The following AK9 variants were observed in gnomAD, a reference collection of about 807,000 sequenced individuals.
The protein encoded by AK9 is adenylate kinase 9, also known as adenylate kinase domain containing 1.
AK9 carries 191 observed loss-of-function variants against 239.6 expected under a neutral mutation model. The observed-to-expected ratio is 0.80, with a 90% CI of 0.71 to 0.90. The LOEUF is 0.90. AK9 is among the 40% of genes least tolerant of loss of function. AK9 has a pLI of 0.00. For missense variants in AK9, 1,995 were observed against 2,214.7 expected (o/e 0.90, Z 1.99); for synonymous variants, 689 against 721.0 (o/e 0.96, Z 0.71).
At chr6:109,505,724 T>C (rs1324851608) in intron 35 of AK9, among the ~76,000 whole-genome samples, 1 of 152,228 alleles carries the variant, frequency 6.6e-6, no homozygotes, top group Non-Finnish European at 1.5e-5. Flanking sequence ...ATTATTTTTA[T>C]GTCCTAAATT....
At chr6:109,634,055 T>C (rs183920284) in intron 10 of AK9, among the ~76,000 whole-genome samples, 36 of 152,242 alleles carry the variant, frequency 2.4e-4, no homozygotes, top group African/African-American at 8.2e-4. Flanking sequence ...ATGGTGAGTA[T>C]TATGGTTTGA....
At chr6:109,495,690 T>C (rs1223693091) in intron 38 of AK9, among the ~76,000 whole-genome samples, 1 of 152,162 alleles carries the variant, frequency 6.6e-6, no homozygotes, top group Non-Finnish European at 1.5e-5. Flanking sequence ...TTATTTTCCT[T>C]AAACTTCTGA....
intron 22 of AK9, 65 bp from the exon 23 acceptor site, chr6:109,564,345 C>A: frequency 7.7e-7 from 1 of 1,306,306 alleles, no homozygotes; most frequent in South Asian, 1.5e-5. Flanking sequence ...AGCCATATTG[C>A]CAAAATAGCT....
chr6:109,575,389 G>T (rs1386679201), intron 20 of AK9, among the ~76,000 whole-genome samples: 1 of 152,116 alleles, frequency 6.6e-6, no homozygotes, highest in African/African-American at 2.4e-5. Context: ...GAGTAAGGTG[G>T]TATGTCACTA....
At position 109,573,467 on chromosome 6, in the gene AK9, C is replaced by CTCAGTT; in HGVS notation, c.2318_2319insAACTGA (p.Glu773_Val774insThrGlu). The CTCAGTT allele has an allele frequency of 6.5e-7, 1 of 1,550,380 alleles. No homozygotes were observed. Among genetic ancestry groups the CTCAGTT allele is most frequent in the Non-Finnish European group, 8.7e-7 (1 of 1,146,466 alleles). ...CTGCTTCAGGCTCAGTTTCAGGGAC[C>CTCAGTT]TCAGATGCTTCAAACTCCTCAGGTA... On this transcript the variant is annotated inframe_insertion, in exon 21 of 41. Coordinates refer to ENST00000424296, the MANE Select transcript of AK9 (RefSeq NM_001145128.3).
At chr6:109,651,653 C>CA (rs897121281) in intron 8 of AK9, among the ~76,000 whole-genome samples, 13 of 152,050 alleles carry the variant, frequency 8.5e-5, no homozygotes, top group Admixed American at 7.2e-4. Flanking sequence ...AAAAGATCAA[C>CA]AAAATTGATA....
rs142152734 is a variant in AK9 at position 109,646,125 on chromosome 6, A to G, written c.760-1437T>C. 8.2e-3 allele frequency among the ~76,000 whole-genome samples: 1,244 copies of G among 152,344 alleles called. 26 individuals are homozygous for G. The highest frequency in any genetic ancestry group is 0.027 in the African/African-American group (1,104 of 41,580). ...AAAGACCAAAGGTAGATAAAATCAC[A>G]AAGATGGGGAGAAACCAGAGCAGAA... is the stretch of plus-strand genomic sequence containing the variant. On this transcript the variant is annotated intron_variant, in intron 8 of 40. Transcript: ENST00000424296.
intron 10 of AK9, 97 bp downstream of exon 10, chr6:109,641,421 C>T (rs1212793124): frequency 4.7e-6 from 4 of 853,596 alleles, no homozygotes; most frequent in Non-Finnish European, 7.3e-6. Context: ...CTCCTGGGCT[C>T]CAGTGATCCT....
At chr6:109,611,876 G>T in intron 16 of AK9, 134 bp downstream of exon 16, 1 of 628,096 alleles carries the variant, frequency 1.6e-6, no homozygotes. Flanking sequence ...CATTAAAATA[G>T]AGTACTTGGG....
chr6:109,521,534 C>T (rs1261552223), intron 29 of AK9, among the ~76,000 whole-genome samples: 1 of 152,152 alleles, frequency 6.6e-6, no homozygotes, highest in East Asian at 1.9e-4. Context: ...AATATTACTA[C>T]ATTTATGTCC....
chr6:109,621,284 A>T lies in AK9; in HGVS notation c.1255-2048T>A, dbSNP rs1474664770. On this transcript the variant is annotated intron_variant, in intron 12 of 40. Transcript: ENST00000424296. ...TGTGGAGAAATAGGAACACTTTTAC[A>T]CTGTTGGTGGGACTGTAAACTAGTT... Among the ~76,000 whole-genome samples, 5 of 69,570 alleles carry T rather than the reference A, an allele frequency of 7.2e-5. No homozygotes were observed. In the East Asian group the frequency reaches 1.7e-3, roughly 24 times the overall value. 45.6% of individuals were successfully genotyped at this position (69,570 alleles called of 152,430 possible).
At chr6:109,666,670 AT>A (rs970634383) in intron 5 of AK9, among the ~76,000 whole-genome samples, 49 of 152,182 alleles carry the variant, frequency 3.2e-4, no homozygotes, top group African/African-American at 1.1e-3. Context: ...GGAAGAAGGC[AT>A]TTTCTATTTC....
At chr6:109,688,112 A>C (rs1186027197) in intron 1 of AK9, among the ~76,000 whole-genome samples, 1 of 152,172 alleles carries the variant, frequency 6.6e-6, no homozygotes, top group Non-Finnish European at 1.5e-5. Flanking sequence ...ACTGCTGCTG[A>C]ATGTTCTACC....
At chr6:109,679,099 G>A (rs1334139767) in intron 1 of AK9, among the ~76,000 whole-genome samples, 4 of 152,128 alleles carry the variant, frequency 2.6e-5, no homozygotes, top group Non-Finnish European at 4.4e-5. Context: ...GAACGCCAGC[G>A]AGACAGAACT....
At chr6:109,559,167 G>GT (rs79796830) in intron 24 of AK9, among the ~76,000 whole-genome samples, 13,898 of 145,284 alleles carry the variant, frequency 0.096, 1,164 homozygotes, top group African/African-American at 0.22. Flanking sequence ...ATATCTATCT[G>GT]TTTTTTTTTT....
At chr6:109,494,183 T>C (rs1776803151) in intron 39 of AK9, 88 bp from the exon 40 acceptor site, 1 of 913,840 alleles carries the variant, frequency 1.1e-6, no homozygotes, top group Non-Finnish European at 1.7e-6. Flanking sequence ...AAATATTATT[T>C]CTTTGCCTCA....
At chr6:109,600,319 G>A (rs1049426021) in intron 17 of AK9, among the ~76,000 whole-genome samples, 3 of 152,252 alleles carry the variant, frequency 2.0e-5, no homozygotes, top group African/African-American at 4.8e-5. Context: ...GGCCTTTTCC[G>A]CATCTATTGA....
intron 38 of AK9, 130 bp downstream of exon 38, chr6:109,497,335 C>A (rs1777144390): frequency 1.9e-6 from 1 of 534,278 alleles, no homozygotes; most frequent in Non-Finnish European, 3.2e-6. Context: ...TTCACACACA[C>A]ACACACACAC....
At chr6:109,517,523 C>T (rs9320290) in intron 29 of AK9, among the ~76,000 whole-genome samples, 107,868 of 152,066 alleles carry the variant, frequency 0.71, 38,755 homozygotes, top group East Asian at 0.99. Context: ...TGTTTCCTTA[C>T]CTGTAAAATA....
Sources: allele counts gnomAD v4.1 joint callset (sites outside exome capture counted in the v4.1 genomes callset), GRCh38; gene constraint gnomAD v4.1.1; transcripts MANE v1.5; gene names NCBI Gene and HGNC (gene_info 2026-07-23, HGNC 2026-07-21).